Variants in SLC39A12 observed in about 807,000 individuals in gnomAD.
SLC39A12 encodes the protein zinc transporter ZIP12.
SLC39A12 carries 63 observed loss-of-function variants against 71.1 expected under a neutral mutation model. The observed-to-expected ratio is 0.89, with a 90% CI of 0.72 to 1.09. The LOEUF is 1.09. Among genes scored for constraint, SLC39A12 ranks in the 50% least tolerant of loss-of-function variants. SLC39A12 has a pLI of 0.00. For missense variants in SLC39A12, 892 were observed against 812.6 expected (o/e 1.10, Z -1.19); for synonymous variants, 351 against 301.3 (o/e 1.16, Z -1.71).
intron 9 of SLC39A12, among the ~76,000 whole-genome samples, chr10:17,995,021 T>C (rs9665733): frequency 2.0e-5 from 3 of 152,198 alleles, no homozygotes; most frequent in Non-Finnish European, 2.9e-5. Context: ...AATCACGTAA[T>C]CTTACCTCAT....
intron 10 of SLC39A12, among the ~76,000 whole-genome samples, chr10:17,995,941 T>G (rs1445477260): frequency 1.3e-5 from 2 of 152,248 alleles, no homozygotes; most frequent in Non-Finnish European, 2.9e-5. Flanking sequence ...AAAATGAAGT[T>G]TTTCTTAGTT....
chr10:18,038,507 A>G (rs1837126749), intron 12 of SLC39A12, among the ~76,000 whole-genome samples: 1 of 152,086 alleles, frequency 6.6e-6, no homozygotes, highest in African/African-American at 2.4e-5. Context: ...AAAATATGCC[A>G]GGTGTGGTGG....
At chr10:18,008,720 G>A (rs976709165) in intron 12 of SLC39A12, 4 of 152,098 alleles carry the variant, frequency 2.6e-5, no homozygotes, top group Non-Finnish European at 5.9e-5. Flanking sequence ...AATACACCAA[G>A]TGAAAAAACT....
chr10:17,994,669 T>A (rs1211232383), intron 9 of SLC39A12, among the ~76,000 whole-genome samples: 3 of 152,192 alleles, frequency 2.0e-5, no homozygotes, highest in Admixed American at 2.0e-4. Context: ...AGAGGTCTAC[T>A]TCCTGCTCTC....
rs367942140 is a variant in SLC39A12 at position 17,970,930 on chromosome 10, CTCTGAG to C, written c.751+5244_751+5249del. 5.6e-3 allele frequency among the ~76,000 whole-genome samples: 851 copies of C among 152,120 alleles called. 10 individuals carry two copies. The highest frequency in any genetic ancestry group is 0.019 in the African/African-American group (808 of 41,496). The stretch of plus-strand genomic sequence containing the variant: ...TTGTTCTCATTCATTATGATACTAG[CTCTGAG>C]TCTAATATATATAGCTTTTATTATG... On this transcript the variant is annotated intron_variant, in intron 4 of 12. Coordinates refer to ENST00000377369, the MANE Select transcript of SLC39A12 (RefSeq NM_001145195.2).
intron 12 of SLC39A12, among the ~76,000 whole-genome samples, chr10:18,037,346 A>G (rs554434616): frequency 2.6e-5 from 4 of 152,158 alleles, no homozygotes; most frequent in African/African-American, 9.6e-5. Flanking sequence ...ATTTTTTTCT[A>G]ATTAGACCAA....
intron 12 of SLC39A12, among the ~76,000 whole-genome samples, chr10:18,014,082 A>G (rs1836311051): frequency 6.6e-6 from 1 of 152,164 alleles, no homozygotes; most frequent in Admixed American, 6.6e-5. Flanking sequence ...TAAATTTTCC[A>G]ATCCATGAAC....
chr10:17,994,793 A>T (rs1472080022), intron 9 of SLC39A12, among the ~76,000 whole-genome samples: 1 of 152,162 alleles, frequency 6.6e-6, no homozygotes, highest in Admixed American at 6.5e-5. Context: ...AATGTGTAAA[A>T]TTTACTTTCT....
intron 12 of SLC39A12, among the ~76,000 whole-genome samples, chr10:18,011,632 C>T (rs1157529240): frequency 6.6e-6 from 1 of 152,178 alleles, no homozygotes; most frequent in Non-Finnish European, 1.5e-5. Context: ...TGGCTGACAT[C>T]TGTCTTTGCT....
chr10:18,017,420 T>TGCCTCA (rs563860625), intron 12 of SLC39A12, among the ~76,000 whole-genome samples: 186 of 152,332 alleles, frequency 1.2e-3, no homozygotes, highest in Admixed American at 0.011. Context: ...GCAATTCTCC[T>TGCCTCA]GCCTCAGCCT....
chr10:17,993,492 A>G (rs10828013), intron 9 of SLC39A12, among the ~76,000 whole-genome samples: 49,173 of 152,170 alleles, frequency 0.32, 8,470 homozygotes, highest in Non-Finnish European at 0.39. Context: ...CCCTCCACAG[A>G]TTCACGTAAT....
intron 12 of SLC39A12, 32 bp from the exon 13 acceptor site, chr10:18,042,673 G>T (rs1389670558): frequency 1.9e-6 from 3 of 1,590,914 alleles, no homozygotes; most frequent in Admixed American, 1.8e-5. Flanking sequence ...AATATATCTG[G>T]ATCTTATTCT....
At chr10:18,034,018 G>C (rs1297404446) in intron 12 of SLC39A12, among the ~76,000 whole-genome samples, 1 of 147,126 alleles carries the variant, frequency 6.8e-6, no homozygotes, top group Non-Finnish European at 1.5e-5. Flanking sequence ...CTGAGAGATA[G>C]TTTGTTATAA....
chr10:18,037,933 T>C lies in SLC39A12; in HGVS notation c.1948-4772T>C, dbSNP rs191403357. On this transcript the variant is annotated intron_variant, in intron 12 of 12. Coordinates refer to ENST00000377369, the MANE Select transcript of SLC39A12 (RefSeq NM_001145195.2). ...TACGTGGGCGACTGAGGCAGGGGAA[T>C]TGTTTGAACCCGGGAGGTGGAGATT... 2.9e-3 allele frequency among the ~76,000 whole-genome samples: 416 copies of C among 142,560 alleles called. 5 individuals are homozygous for C. Among genetic ancestry groups the C allele is most frequent in the Non-Finnish European group, 4.0e-4 (27 of 66,920 alleles). 93.5% of individuals were successfully genotyped at this position (142,560 alleles called of 152,430 possible). A position where few individuals can be genotyped will look rare whatever the true frequency, so the allele number is the denominator to read the frequency against.
intron 2 of SLC39A12, among the ~76,000 whole-genome samples, chr10:17,958,486 G>A (rs80151044): frequency 0.033 from 5,075 of 152,180 alleles, 248 homozygotes; most frequent in African/African-American, 0.12. Context: ...CATCAAATAG[G>A]AGGGAGAGAA....
In SLC39A12 at chr10:17,953,555, G is replaced by C. The variant is rs1554847424; in HGVS notation, c.261+18G>C. The stretch of plus-strand genomic sequence containing the variant: ...GCAATCTGGTTAGTGAAATAGAATG[G>C]GGTCAGGTATCAGGGCATGTCCAAA... On this transcript the variant is annotated intron_variant, in intron 2 of 12. Coordinates refer to ENST00000377369, the MANE Select transcript of SLC39A12 (RefSeq NM_001145195.2). The C allele has an allele frequency of 6.2e-7, 1 of 1,612,878 alleles. No homozygotes were observed. Among genetic ancestry groups the C allele is most frequent in the Non-Finnish European group, 8.5e-7 (1 of 1,179,344 alleles).
intron 4 of SLC39A12, among the ~76,000 whole-genome samples, chr10:17,972,253 G>A (rs1031320220): frequency 3.9e-5 from 6 of 152,252 alleles, no homozygotes; most frequent in South Asian, 2.1e-4. Context: ...GTGACCTAAC[G>A]TATGGTCTGT....
chr10:17,961,835 G>A lies in SLC39A12; in HGVS notation c.516G>A (p.Arg172=), dbSNP rs1564638822. 6.2e-7 allele frequency: 1 copy of A among 1,613,786 alleles called. No homozygotes were observed. Among genetic ancestry groups the A allele is most frequent in the Non-Finnish European group, 8.5e-7 (1 of 1,179,910 alleles). The part of the protein sequence containing the change: ...NETEDILAFT[R]QYFDTSQSQC... ...CAGAAGATATCTTGGCTTTCACCAG[G>A]CAGTACTTTGACACTTCTCAAAGCC... The change falls in exon 3 of 13, where the codon AGG becomes AGA. Residue 172 remains arginine (R), a synonymous_variant. Transcript: ENST00000377369.
chr10:17,961,550 CT>C, intron 2 of SLC39A12, 30 bp from the exon 3 acceptor site: 1 of 1,578,854 alleles, frequency 6.3e-7, no homozygotes, highest in Non-Finnish European at 8.6e-7. Context: ...AGCTTTGTTT[CT>C]TTTGTTGTTG....
Sources: gnomAD v4.1 joint callset for allele counts (sites outside exome capture counted in the v4.1 genomes callset) on GRCh38, gnomAD v4.1.1 for gene constraint, MANE v1.5 for transcripts, NCBI Gene and HGNC (gene_info 2026-07-23, HGNC 2026-07-21) for gene names.